Variants in NCOR1 observed in about 807,000 individuals in gnomAD.
The protein encoded by NCOR1 is nuclear receptor corepressor 1.
Under a neutral mutation model 288.1 loss-of-function variants are expected in NCOR1, and 63 were observed. The observed-to-expected ratio is 0.22, with a 90% CI of 0.18 to 0.27. The LOEUF (loss-of-function observed/expected upper bound fraction) is 0.27, where lower values mean the gene tolerates loss of function less well. Among genes scored for constraint, NCOR1 ranks in the 10% least tolerant of loss-of-function variants. The pLI is 1.00. For synonymous variants in NCOR1, 1,007 were observed against 1,065.9 expected, an observed-to-expected ratio of 0.94 and a Z score of 1.08; for missense variants, 2,397 against 3,019.2, an observed-to-expected ratio of 0.79 and a Z score of 4.83.
At chr17:16,150,342 C>T (rs1163135809) in intron 8 of NCOR1, among the ~76,000 whole-genome samples, 1 of 152,042 alleles carries the variant, frequency 6.6e-6, no homozygotes, top group Non-Finnish European at 1.5e-5. Flanking sequence ...TTAAAATGTA[C>T]ATTTGCTATT....
chr17:16,181,218 T>TAC (rs3030882), intron 3 of NCOR1, among the ~76,000 whole-genome samples: 261 of 135,692 alleles, frequency 1.9e-3, no homozygotes, highest in African/African-American at 7.1e-3. Flanking sequence ...TGTATGTGTG[T>TAC]GTGTGTGTGT....
intron 40 of NCOR1, among the ~76,000 whole-genome samples, chr17:16,049,888 T>C (rs754574302): frequency 2.8e-4 from 42 of 151,766 alleles, no homozygotes; most frequent in Non-Finnish European, 5.4e-4. Context: ...ATTTATCTTA[T>C]TATTAAAATT....
At chr17:16,202,543 A>C (rs963285350) in intron 1 of NCOR1, among the ~76,000 whole-genome samples, 1 of 152,208 alleles carries the variant, frequency 6.6e-6, no homozygotes, top group African/African-American at 2.4e-5. Context: ...GAATTAATAG[A>C]TATAACAATG....
chr17:16,038,990 C>G (rs191115242), intron 44 of NCOR1, among the ~76,000 whole-genome samples: 3 of 152,142 alleles, frequency 2.0e-5, no homozygotes, highest in Non-Finnish European at 2.9e-5. Flanking sequence ...AGGATGGTCT[C>G]GATCTCTTGA....
chr17:16,120,928 A>G (rs2072877875), intron 16 of NCOR1, 124 bp downstream of exon 16: 2 of 872,158 alleles, frequency 2.3e-6, no homozygotes, highest in Non-Finnish European at 3.3e-6. Flanking sequence ...TAAAAAATTT[A>G]AAGACCACAC....
chr17:16,128,483 C>T (rs192844913), intron 14 of NCOR1, among the ~76,000 whole-genome samples: 40 of 152,312 alleles, frequency 2.6e-4, no homozygotes, highest in Middle Eastern at 6.8e-3. Context: ...AACAAGAATC[C>T]AATCTTACTT....
intron 15 of NCOR1, 56 bp downstream of exon 15, chr17:16,126,026 A>G: frequency 1.1e-6 from 1 of 926,778 alleles, no homozygotes; most frequent in Non-Finnish European, 1.6e-6. Flanking sequence ...CTACAAAAAT[A>G]AAAATAAAAT....
rs140943876 is a variant in NCOR1 at position 16,120,098 on chromosome 17, A to G, written c.1853-613T>C. On this transcript the variant is annotated intron_variant, in intron 16 of 45. Coordinates refer to ENST00000268712, the MANE Select transcript of NCOR1 (RefSeq NM_006311.4). ...CATTCACCCAGTCACTCAAGTTACC[A>G]ATAGGCTCCTTAGACTGATAGACTA... 2.8e-3 allele frequency among the ~76,000 whole-genome samples: 429 copies of G among 152,326 alleles called. 3 individuals are homozygous for G. The highest frequency in any genetic ancestry group is 9.5e-3 in the African/African-American group (396 of 41,580).
chr17:16,215,252 C>G (rs1214519335), intron 1 of NCOR1, 110 bp downstream of exon 1: 2 of 385,916 alleles, frequency 5.2e-6, no homozygotes, highest in Admixed American at 4.5e-5. Flanking sequence ...TGCGACACCC[C>G]CCGCCCGGCG....
chr17:16,037,024 C>T (rs932263239), intron 44 of NCOR1, among the ~76,000 whole-genome samples: 4 of 152,216 alleles, frequency 2.6e-5, no homozygotes, highest in Admixed American at 6.5e-5. Context: ...TTTCAAGTGA[C>T]AGACTTAGTG....
intron 35 of NCOR1, among the ~76,000 whole-genome samples, chr17:16,062,988 C>T (rs2060702165): frequency 6.6e-6 from 1 of 152,118 alleles, no homozygotes; most frequent in Non-Finnish European, 1.5e-5. Flanking sequence ...CAGTCACTTT[C>T]TTCTTGACCT....
chr17:16,033,912 T>C (rs1223096876), intron 45 of NCOR1, among the ~76,000 whole-genome samples: 1 of 151,682 alleles, frequency 6.6e-6, no homozygotes, highest in Non-Finnish European at 1.5e-5. Flanking sequence ...TTCAAGTGAT[T>C]CTCCCACCTC....
At chr17:16,212,745 G>A (rs1186476971) in intron 1 of NCOR1, among the ~76,000 whole-genome samples, 1 of 152,108 alleles carries the variant, frequency 6.6e-6, no homozygotes, top group African/African-American at 2.4e-5. Context: ...GGTAAGAAAA[G>A]AAAATTTCAC....
At chr17:16,170,797 C>T (rs2083001343) in intron 4 of NCOR1, among the ~76,000 whole-genome samples, 2 of 149,512 alleles carry the variant, frequency 1.3e-5, no homozygotes, top group South Asian at 4.2e-4. Flanking sequence ...GCCAAGATCG[C>T]GCCACTGCAC....
intron 16 of NCOR1, among the ~76,000 whole-genome samples, chr17:16,120,162 A>G (rs1178324017): frequency 6.6e-6 from 1 of 152,010 alleles, no homozygotes; most frequent in Non-Finnish European, 1.5e-5. Context: ...CTCACATCCA[A>G]TGACATGCAT....
At chr17:16,161,238 C>G (rs1175404713) in intron 5 of NCOR1, among the ~76,000 whole-genome samples, 1 of 37,674 alleles carries the variant, frequency 2.7e-5, no homozygotes, top group African/African-American at 8.7e-5. Context: ...CAGACACACA[C>G]ACACACACAC....
At chr17:16,074,688 C>T (rs2152761091) in intron 27 of NCOR1, among the ~76,000 whole-genome samples, 1 of 148,660 alleles carries the variant, frequency 6.7e-6, no homozygotes, top group South Asian at 2.1e-4. Flanking sequence ...AATAAGAACT[C>T]AAATTCACTC....
chr17:16,111,629 A>AT (rs1253196319), intron 18 of NCOR1, among the ~76,000 whole-genome samples: 1 of 151,284 alleles, frequency 6.6e-6, no homozygotes, highest in East Asian at 1.9e-4. Context: ...AAAAATTAAA[A>AT]TTAAAAAAAA....
At chr17:16,094,507 G>A (rs571823426) in intron 21 of NCOR1, among the ~76,000 whole-genome samples, 37 of 152,254 alleles carry the variant, frequency 2.4e-4, no homozygotes, top group African/African-American at 7.7e-4. Flanking sequence ...GGTGCCTAAA[G>A]AAAAATTGAG....
Sources: allele counts gnomAD v4.1 joint callset (sites outside exome capture counted in the v4.1 genomes callset), GRCh38; gene constraint gnomAD v4.1.1; transcripts MANE v1.5; gene names NCBI Gene and HGNC (gene_info 2026-07-23, HGNC 2026-07-21).